Variants in PPP6C observed in about 807,000 individuals in gnomAD.
PPP6C encodes the protein serine/threonine-protein phosphatase 6 catalytic subunit.
Under a neutral mutation model 39.8 loss-of-function variants are expected in PPP6C, and 11 were observed. The ratio of observed to expected loss-of-function variants is 0.28; its 90% CI spans 0.17 to 0.46. The LOEUF (loss-of-function observed/expected upper bound fraction) is 0.46, where lower values mean the gene tolerates loss of function less well. Ranked by LOEUF, PPP6C falls within the 20% of genes least tolerant of loss-of-function variation. The probability of loss-of-function intolerance (pLI) is 1.00; values close to 1 mark genes in which losing one functional copy is unlikely to be tolerated. For missense variants in PPP6C, 211 were observed against 373.9 expected, an observed-to-expected ratio of 0.56 and a Z score of 3.59; for synonymous variants, 129 against 130.3, an observed-to-expected ratio of 0.99 and a Z score of 0.07.
chr9:125,165,278 A>G (rs1828988163), intron 2 of PPP6C, among the ~76,000 whole-genome samples: 1 of 152,126 alleles, frequency 6.6e-6, no homozygotes, highest in Admixed American at 6.6e-5. Context: ...TCACACCTGT[A>G]ATCCCAGCTA....
intron 4 of PPP6C, among the ~76,000 whole-genome samples, chr9:125,155,167 C>A (rs1464434033): frequency 2.0e-5 from 3 of 152,078 alleles, no homozygotes; most frequent in Non-Finnish European, 2.9e-5. Flanking sequence ...CAGCCTCCCA[C>A]AGTGCTGAGA....
rs369340162 is a variant in PPP6C at position 125,152,353 on chromosome 9, G to A, written c.669+1180C>T. ...CAAATGTGCTTCCTGCTATGTAATCGCTAACATTCACATTACATGATTTGC... is the reference window on the plus strand; with the variant it reads ...CAAATGTGCTTCCTGCTATGTAATCACTAACATTCACATTACATGATTTGC... On this transcript the variant is annotated intron_variant, in intron 6 of 6. Coordinates refer to ENST00000373547, the MANE Select transcript of PPP6C (RefSeq NM_002721.5). 3.3e-4 allele frequency among the ~76,000 whole-genome samples: 50 copies of A among 152,130 alleles called. No individual in the cohort carries two copies. In the South Asian group the frequency reaches 6.0e-3, roughly 18 times the overall value.
intron 1 of PPP6C, among the ~76,000 whole-genome samples, chr9:125,186,619 A>C (rs1193840996): frequency 6.6e-6 from 1 of 151,688 alleles, no homozygotes; most frequent in East Asian, 1.9e-4. Context: ...TCATGGGGGC[A>C]TGTGCCTGTG....
At chr9:125,167,389 A>AAAAAAAAAAAAAAAG (rs1554722081) in intron 2 of PPP6C, among the ~76,000 whole-genome samples, 39 of 138,150 alleles carry the variant, frequency 2.8e-4, no homozygotes, top group African/African-American at 1.0e-3. Flanking sequence ...CAAAAAAAAA[A>AAAAAAAAAAAAAAAG]AAAAAAAAAA....
At chr9:125,151,102 T>C in intron 6 of PPP6C, 2 of 1,350,108 alleles carry the variant, frequency 1.5e-6, no homozygotes, top group Non-Finnish European at 1.1e-6. Flanking sequence ...TGTCCTGAAG[T>C]GGATAAGGGA....
chr9:125,173,483 C>T (rs1449048751), intron 1 of PPP6C, among the ~76,000 whole-genome samples: 2 of 149,498 alleles, frequency 1.3e-5, no homozygotes, highest in Non-Finnish European at 3.0e-5. Context: ...GAGGATGAGG[C>T]AAGAGAATCG....
Position 125,178,318 on chromosome 9 carries a change from T to G in PPP6C, c.76-7138A>C, listed in dbSNP as rs528153014. On this transcript the variant is annotated intron_variant, in intron 1 of 6. Transcript: ENST00000373547. Reference sequence around the variant, plus strand: ...CCACATCTTCATCAGCATTTGGTACTGTTGGTGTTCTGGATTTTGGCCATT... The same window carrying G: ...CCACATCTTCATCAGCATTTGGTACGGTTGGTGTTCTGGATTTTGGCCATT... Among the ~76,000 whole-genome samples, 4 of 152,358 alleles carry G rather than the reference T, an allele frequency of 2.6e-5. No homozygotes were observed. In the East Asian group the frequency reaches 7.7e-4, roughly 29 times the overall value.
Position 125,149,553 on chromosome 9 carries a change from A to AT in PPP6C, c.*119_*120insA. On this transcript the variant is annotated 3_prime_UTR_variant, in exon 7 of 7. Transcript: ENST00000373547. ...GATAATTTAAAATTTAAAAAAAAAA[A>AT]GGCAAGAGGCAGCATTTCAGCAGCA... 5.3e-6 allele frequency: 6 copies of AT among 1,131,694 alleles called. No homozygotes were observed. The highest frequency in any genetic ancestry group is 1.6e-5 in the African/African-American group (1 of 64,052). 70.1% of individuals were successfully genotyped at this position (1,131,694 alleles called of 1,614,324 possible).
rs189514434 is a variant in PPP6C at position 125,153,459 on chromosome 9, T to C, written c.669+74A>G. 46 of 1,405,824 alleles carry C rather than the reference T, an allele frequency of 3.3e-5. 1 individual carries two copies. In the Admixed American group the frequency reaches 9.0e-4, roughly 28 times the overall value. The allele number at this position is 1,405,824 out of a possible 1,614,324, so 87.1% of individuals were successfully genotyped here. A position where few individuals can be genotyped will look rare whatever the true frequency, so the allele number is the denominator to read the frequency against. ...AGTAAGCTAGACTACAAGTTTGTTA[T>C]CTAGGGCCACCATAGTTCTCTATGC... On this transcript the variant is annotated intron_variant, in intron 6 of 6. Transcript: ENST00000373547.
At chr9:125,186,928 A>G (rs558403354) in intron 1 of PPP6C, among the ~76,000 whole-genome samples, 243 of 122,878 alleles carry the variant, frequency 2.0e-3, no homozygotes, top group Non-Finnish European at 3.3e-3. Flanking sequence ...AGTCCAACAG[A>G]TTTTTCTTTC....
At chr9:125,158,040 G>A (rs1414462183) in intron 4 of PPP6C, among the ~76,000 whole-genome samples, 1 of 152,008 alleles carries the variant, frequency 6.6e-6, no homozygotes, top group East Asian at 1.9e-4. Flanking sequence ...ACACTTTGAG[G>A]CACAGATCTA....
At position 125,189,714 on chromosome 9, in the gene PPP6C, G is replaced by T; in HGVS notation, c.5C>A (p.Ala2Glu). 1 of 1,584,282 alleles carries T rather than the reference G, an allele frequency of 6.3e-7. No individual in the cohort carries two copies. Among genetic ancestry groups the T allele is most frequent in the Middle Eastern group, 1.7e-4 (1 of 5,938 alleles). Residue 2 changes from alanine to glutamate, a missense_variant, in exon 1 of 7, where the codon GCG becomes GAG. Around this residue, in one of 2 missense-constraint regions of PPP6C, gnomAD observed 43 missense variants for 31.3 expected, o/e 1.38. Transcript: ENST00000373547. Reference protein sequence around the residue: MAPLDLDKYVEI... With the variant: MEPLDLDKYVEI... ...CACATACTTGTCCAGGTCTAGCGGCGCCATTTTAAGAATAACAAGCCGCGG... is the reference window on the plus strand; with the variant it reads ...CACATACTTGTCCAGGTCTAGCGGCTCCATTTTAAGAATAACAAGCCGCGG...
intron 2 of PPP6C, among the ~76,000 whole-genome samples, chr9:125,166,432 A>G (rs2131319723): frequency 6.6e-6 from 1 of 151,438 alleles, no homozygotes; most frequent in Non-Finnish European, 1.5e-5. Context: ...CCAAGTCTAA[A>G]TAATCACAGT....
intron 1 of PPP6C, among the ~76,000 whole-genome samples, chr9:125,176,114 G>C (rs1001262008): frequency 1.3e-5 from 2 of 152,108 alleles, no homozygotes; most frequent in African/African-American, 4.8e-5. Context: ...GTAAGGCTAT[G>C]GGGACACAAT....
At chr9:125,152,051 C>T (rs533415637) in intron 6 of PPP6C, among the ~76,000 whole-genome samples, 4 of 144,802 alleles carry the variant, frequency 2.8e-5, no homozygotes, top group Admixed American at 6.8e-5. Flanking sequence ...AACCTAGTCC[C>T]GGTGGCTGAG....
At chr9:125,149,970 G>C in intron 6 of PPP6C, 49 bp from the exon 7 acceptor site, 1 of 1,578,966 alleles carries the variant, frequency 6.3e-7, no homozygotes, top group Non-Finnish European at 8.6e-7. Context: ...AAAAACAATC[G>C]GCCTACATAA....
At chr9:125,170,298 G>A (rs1829118735) in intron 2 of PPP6C, among the ~76,000 whole-genome samples, 1 of 151,166 alleles carries the variant, frequency 6.6e-6, no homozygotes, top group Non-Finnish European at 1.5e-5. Context: ...GTGCAGTGGT[G>A]CGGTCTCGGC....
intron 2 of PPP6C, among the ~76,000 whole-genome samples, chr9:125,166,720 G>A (rs1367636376): frequency 1.3e-5 from 2 of 151,922 alleles, no homozygotes; most frequent in East Asian, 3.9e-4. Flanking sequence ...TTTTAGTAAA[G>A]ATGGGGTTTT....
At chr9:125,163,450 T>A (rs1828934554) in intron 2 of PPP6C, among the ~76,000 whole-genome samples, 1 of 152,228 alleles carries the variant, frequency 6.6e-6, no homozygotes, top group South Asian at 2.1e-4. Context: ...TTTGTTTTTT[T>A]GAGACAGTCT....
Sources: gnomAD v4.1 joint callset for allele counts (sites outside exome capture counted in the v4.1 genomes callset) on GRCh38, gnomAD v4.1.1 for gene constraint, gnomAD v4.1.1 regional missense constraint, MANE v1.5 for transcripts, NCBI Gene and HGNC (gene_info 2026-07-23, HGNC 2026-07-21) for gene names.